Variants in ITPKC observed in about 807,000 individuals in gnomAD.
The protein encoded by ITPKC is inositol-trisphosphate 3-kinase C.
In ITPKC, 33 loss-of-function variants were observed where a neutral mutation model predicts 67.1. The ratio of observed to expected loss-of-function variants is 0.49; its 90% CI spans 0.37 to 0.66. The LOEUF (loss-of-function observed/expected upper bound fraction) is 0.66, where lower values mean the gene tolerates loss of function less well. Among genes scored for constraint, ITPKC ranks in the 30% least tolerant of loss-of-function variants. The pLI, the probability that ITPKC is intolerant of heterozygous loss-of-function variation, is 0.00. For missense variants in ITPKC, 820 were observed against 892.1 expected (o/e 0.92, Z 1.03); for synonymous variants, 341 against 359.8 (o/e 0.95, Z 0.59).
chr19:40,718,890 G>A (rs1164147758), intron 1 of ITPKC, among the ~76,000 whole-genome samples: 2 of 152,096 alleles, frequency 1.3e-5, no homozygotes, highest in African/African-American at 2.4e-5. Flanking sequence ...AGCCCACCTG[G>A]TCTCCCCTGT....
In ITPKC at chr19:40,730,538, C is replaced by T. The variant is rs146953357; in HGVS notation, c.1469+1123C>T. Among the ~76,000 whole-genome samples the T allele has an allele frequency of 1.3e-3, 205 of 152,220 alleles. 1 individual carries two copies. The highest frequency in any genetic ancestry group is 4.7e-3 in the African/African-American group (196 of 41,536). On this transcript the variant is annotated intron_variant, in intron 3 of 6. Coordinates refer to ENST00000263370, the MANE Select transcript of ITPKC (RefSeq NM_025194.3). Reference sequence around the variant, plus strand: ...CCTTGAACTCCTGGGCTCAGGCGGTCCTTTCACCTTAGCCTCCAGAGTAGC... The same window carrying T: ...CCTTGAACTCCTGGGCTCAGGCGGTTCTTTCACCTTAGCCTCCAGAGTAGC...
At chr19:40,719,701 GCTGACCTCAAGACTC>G (rs1019155236) in intron 1 of ITPKC, among the ~76,000 whole-genome samples, 1 of 151,898 alleles carries the variant, frequency 6.6e-6, no homozygotes, top group Non-Finnish European at 1.5e-5. Flanking sequence ...TGTTGGCCAG[GCTGACCTCAAGACTC>G]CTGACCTCAA....
intron 1 of ITPKC, among the ~76,000 whole-genome samples, chr19:40,718,602 G>A (rs150496600): frequency 6.6e-6 from 1 of 152,216 alleles, no homozygotes; most frequent in Non-Finnish European, 1.5e-5. Context: ...AGCCTGCCGT[G>A]CGTGTTCACA....
chr19:40,721,235 G>T (rs2082220788), intron 1 of ITPKC, among the ~76,000 whole-genome samples: 1 of 152,236 alleles, frequency 6.6e-6, no homozygotes, highest in African/African-American at 2.4e-5. Flanking sequence ...AGGAGGATGT[G>T]TGAGCCCAGA....
At chr19:40,729,176 CCT>C (rs2082259118) in intron 2 of ITPKC, 24 bp from the exon 3 acceptor site, 1 of 1,584,790 alleles carries the variant, frequency 6.3e-7, no homozygotes, top group South Asian at 1.1e-5. Context: ...AGTTCCTGAT[CCT>C]CTCATTTATT....
chr19:40,730,269 C>T (rs181503248), intron 3 of ITPKC, among the ~76,000 whole-genome samples: 22 of 152,096 alleles, frequency 1.4e-4, no homozygotes, highest in African/African-American at 5.1e-4. Context: ...CTTTCTCCAG[C>T]TGGGTTCAGT....
intron 2 of ITPKC, among the ~76,000 whole-genome samples, chr19:40,726,936 G>A (rs1228598229): frequency 6.6e-6 from 1 of 152,120 alleles, no homozygotes; most frequent in Non-Finnish European, 1.5e-5. Context: ...CAGGTACTTG[G>A]GAGCTGAGGG....
chr19:40,732,239 CA>C (rs1202395500), intron 3 of ITPKC, among the ~76,000 whole-genome samples: 2,605 of 46,464 alleles, frequency 0.056, 66 homozygotes, highest in Admixed American at 0.18. Flanking sequence ...GACTCCATCT[CA>C]AAAAAAAAAA....
At chr19:40,726,889 G>T (rs1568449322) in intron 2 of ITPKC, among the ~76,000 whole-genome samples, 2 of 151,792 alleles carry the variant, frequency 1.3e-5, no homozygotes, top group Admixed American at 6.6e-5. Flanking sequence ...GAAAAATAAA[G>T]AAATTAACTG....
At chr19:40,736,801 G>A (rs1310091292) in intron 4 of ITPKC, among the ~76,000 whole-genome samples, 185 bp from the exon 5 acceptor site, 1 of 150,318 alleles carries the variant, frequency 6.7e-6, no homozygotes, top group African/African-American at 2.4e-5. Context: ...CCACACCTGG[G>A]ACCACAGGTG....
chr19:40,718,034 A>C lies in ITPKC; in HGVS notation c.899A>C (p.Asp300Ala). 1 of 1,614,122 alleles carries C rather than the reference A, an allele frequency of 6.2e-7. No homozygotes were observed. The highest frequency in any genetic ancestry group is 8.5e-7 in the Non-Finnish European group (1 of 1,180,020). Residue 300 changes from aspartate to alanine, a missense_variant, in exon 1 of 7, where the codon GAT becomes GCT. Asp to Ala is a moderately radical substitution (Grantham distance 126). Transcript: ENST00000263370. ...GTDCLLGEPE[D>A]GPLEEPEPGE... ...GACTGCCTCTTGGGAGAGCCTGAGG[A>C]TGGCCCATTAGAGGAACCAGAGCCT... is the stretch of plus-strand genomic sequence containing the variant.
At chr19:40,733,124 A>G (rs1286094105) in intron 3 of ITPKC, 36 bp from the exon 4 acceptor site, 1 of 1,590,978 alleles carries the variant, frequency 6.3e-7, no homozygotes, top group Non-Finnish European at 8.6e-7. Flanking sequence ...AGTTTGTTCT[A>G]CATAATTTCC....
chr19:40,725,567 T>C (rs566116142), intron 2 of ITPKC, 128 bp downstream of exon 2: 56 of 714,210 alleles, frequency 7.8e-5, no homozygotes, highest in South Asian at 2.5e-4. Context: ...GGGACTGTTA[T>C]GGGCAGTGCT....
chr19:40,737,665 C>A (rs1230625748), intron 5 of ITPKC, 33 bp from the exon 6 acceptor site: 4 of 1,602,634 alleles, frequency 2.5e-6, no homozygotes, highest in Non-Finnish European at 3.4e-6. Context: ...ACAAAGTCCC[C>A]ATGCTAACCA....
Position 40,733,252 on chromosome 19 carries a change from C to T in ITPKC, c.1562C>T (p.Ala521Val). The T allele has an allele frequency of 6.2e-7, 1 of 1,614,136 alleles. No homozygotes were observed. Among genetic ancestry groups the T allele is most frequent in the Non-Finnish European group, 8.5e-7 (1 of 1,179,990 alleles). ...AAGATGGTGGCTGTGGACCCTGGGG[C>T]CCCTACCCCTGAGGAGCATGCCCAG... Reference protein sequence around the residue: ...YEKMVAVDPGAPTPEEHAQGA... With the variant: ...YEKMVAVDPGVPTPEEHAQGA... Residue 521 changes from alanine to valine, a missense_variant, in exon 4 of 7, where the codon GCC becomes GTC. This residue lies in a region of ITPKC where 339 missense variants were observed against 422.0 expected (regional missense o/e 0.80). Transcript: ENST00000263370.
At chr19:40,738,681 A>G (rs2082306903) in intron 6 of ITPKC, among the ~76,000 whole-genome samples, 1 of 152,194 alleles carries the variant, frequency 6.6e-6, no homozygotes, top group South Asian at 2.1e-4. Context: ...CTCACACTGA[A>G]CATTTGCTGT....
intron 1 of ITPKC, among the ~76,000 whole-genome samples, chr19:40,721,299 G>T (rs2082221160): frequency 6.6e-6 from 1 of 151,856 alleles, no homozygotes; most frequent in African/African-American, 2.4e-5. Context: ...GGAGGAAGGG[G>T]CATATAAGCT....
Position 40,739,450 on chromosome 19 carries a change from C to G in ITPKC, c.1942C>G (p.His648Asp). 1 of 1,613,614 alleles carries G rather than the reference C, an allele frequency of 6.2e-7. No homozygotes were observed. Among genetic ancestry groups the G allele is most frequent in the Middle Eastern group, 1.6e-4 (1 of 6,062 alleles). The change falls in exon 7 of 7, where the codon CAC (histidine) becomes GAC (aspartate). Residue 648 changes from histidine to aspartate, a missense_variant. By Grantham distance (81) the His-to-Asp change is moderately conservative. This residue lies in a region of ITPKC where 339 missense variants were observed against 422.0 expected (regional missense o/e 0.80). Transcript: ENST00000263370. ...CGGCAAGACGGTGGCCTTGCCCGACCACCAGACGCTCAGCCACAGGCTGCC... is the reference window on the plus strand; with the variant it reads ...CGGCAAGACGGTGGCCTTGCCCGACGACCAGACGCTCAGCCACAGGCTGCC... ...DFGKTVALPD[H>D]QTLSHRLPWA... is the part of the protein sequence containing the mutation.
rs780351399 is a variant in ITPKC at position 40,718,136 on chromosome 19, C to T, written c.1001C>T (p.Pro334Leu). 1 of 1,608,076 alleles carries T rather than the reference C, an allele frequency of 6.2e-7. No homozygotes were observed. The highest frequency in any genetic ancestry group is 1.1e-5 in the South Asian group (1 of 90,974). ...LCPVPRLIIT[P>L]ETPEPEAQPV... Reference sequence around the variant, plus strand: ...CCTGTGCCCCGCCTCATCATTACCCCTGAGACCCCTGAGCCTGAGGCCCAG... The same window carrying T: ...CCTGTGCCCCGCCTCATCATTACCCTTGAGACCCCTGAGCCTGAGGCCCAG... The change falls in exon 1 of 7, where the codon CCT becomes CTT. Residue 334 changes from proline to leucine, a missense_variant. Transcript: ENST00000263370.
Sources: gnomAD v4.1 joint callset for allele counts (sites outside exome capture counted in the v4.1 genomes callset) on GRCh38, gnomAD v4.1.1 for gene constraint, gnomAD v4.1.1 regional missense constraint, MANE v1.5 for transcripts, NCBI Gene and HGNC (gene_info 2026-07-23, HGNC 2026-07-21) for gene names.